Variants in MSR1 observed in about 807,000 individuals in gnomAD.
The protein encoded by MSR1 is macrophage scavenger receptor types I and II.
In MSR1, 53 loss-of-function variants were observed where a neutral mutation model predicts 47.2. The observed-to-expected ratio is 1.12, with a 90% CI of 0.90 to 1.41. The LOEUF is 1.41. MSR1 is among the 40% of genes most tolerant of loss of function. MSR1 has a pLI of 0.00. For missense variants in MSR1, 786 were observed against 546.9 expected, an observed-to-expected ratio of 1.44 and a Z score of -4.36; for synonymous variants, 239 against 185.6, an observed-to-expected ratio of 1.29 and a Z score of -2.34.
In MSR1 at chr8:16,108,752, G is replaced by T. The variant is rs999144443; in HGVS notation, c.*1333C>A. ...ACAGTAATTCCAATTCCAAGGTAAG[G>T]TTTTGCCTTTTTAAGTTGGACGGCT... On this transcript the variant is annotated 3_prime_UTR_variant, in exon 10 of 10. Coordinates refer to ENST00000262101, the MANE Select transcript of MSR1 (RefSeq NM_138715.3). 6.6e-6 allele frequency: 1 copy of T among 152,074 alleles called. No individual in the cohort carries two copies. Among genetic ancestry groups the T allele is most frequent in the Non-Finnish European group, 1.5e-5 (1 of 67,988 alleles). 9.4% of individuals were successfully genotyped at this position (152,074 alleles called of 1,614,324 possible). A position where few individuals can be genotyped will look rare whatever the true frequency, so the allele number is the denominator to read the frequency against.
chr8:16,176,107 TA>T (rs527738436), intron 2 of MSR1, among the ~76,000 whole-genome samples: 4 of 152,298 alleles, frequency 2.6e-5, no homozygotes, highest in East Asian at 3.9e-4. Context: ...ATTGATCAAT[TA>T]AAAAAAGTAA....
intron 4 of MSR1, among the ~76,000 whole-genome samples, chr8:16,167,570 C>G (rs899459472): frequency 2.0e-5 from 3 of 151,162 alleles, no homozygotes; most frequent in African/African-American, 4.8e-5. Flanking sequence ...AACAAACAAA[C>G]AAAAACATTC....
intron 8 of MSR1, among the ~76,000 whole-genome samples, chr8:16,137,509 A>G (rs1800420984): frequency 6.6e-6 from 1 of 152,066 alleles, no homozygotes; most frequent in African/African-American, 2.4e-5. Flanking sequence ...TATCTGTGAT[A>G]TATATAAAAA....
chr8:16,118,640 C>T (rs535315707), intron 9 of MSR1, among the ~76,000 whole-genome samples: 4 of 152,052 alleles, frequency 2.6e-5, no homozygotes, highest in East Asian at 1.9e-4. Flanking sequence ...GATTACACCC[C>T]GCACTCCAGC....
chr8:16,168,968 T>C (rs934229965), intron 3 of MSR1, 98 bp from the exon 4 acceptor site: 19 of 1,255,394 alleles, frequency 1.5e-5, no homozygotes, highest in South Asian at 5.1e-5. Flanking sequence ...TTTATTCCAT[T>C]CCATTCCAAC....
intron 8 of MSR1, among the ~76,000 whole-genome samples, chr8:16,138,008 GA>G (rs778936817): frequency 0.014 from 1,715 of 122,458 alleles, 19 homozygotes; most frequent in Admixed American, 0.018. Flanking sequence ...AAAGATAAAG[GA>G]AAAAAAAAAA....
chr8:16,164,093 C>A lies in MSR1; in HGVS notation c.789G>T (p.Gln263His), dbSNP rs753519339. The change falls in exon 5 of 10, where the codon CAG becomes CAT. Residue 263 changes from glutamine to histidine, a missense_variant. Gln to His is a conservative substitution (Grantham distance 24). Coordinates refer to ENST00000262101, the MANE Select transcript of MSR1 (RefSeq NM_138715.3). Reference protein sequence around the residue: ...DLRLKDWEHSQTLRNITLIQG... With the variant: ...DLRLKDWEHSHTLRNITLIQG... The stretch of plus-strand genomic sequence containing the variant: ...GAATTAAAGTGATATTTCTCAAGGT[C>A]TGAGAATGTTCCCAATCTTTCAGTC... The A allele has an allele frequency of 1.2e-6, 2 of 1,610,282 alleles. No homozygotes were observed. Among genetic ancestry groups the A allele is most frequent in the Admixed American group, 3.3e-5 (2 of 59,874 alleles).
intron 1 of MSR1, among the ~76,000 whole-genome samples, chr8:16,189,238 T>C (rs1024719609): frequency 1.6e-4 from 22 of 139,342 alleles, no homozygotes; most frequent in Admixed American, 4.6e-4. Flanking sequence ...TCTTATTTTA[T>C]ATATATTTAG....
At chr8:16,121,214 GA>G in intron 8 of MSR1, 4 of 400,352 alleles carry the variant, frequency 1.0e-5, no homozygotes, top group Admixed American at 3.1e-5. Context: ...TTCCTCTTTA[GA>G]AAAAAATATT....
intron 3 of MSR1, among the ~76,000 whole-genome samples, chr8:16,172,984 C>T (rs1461477479): frequency 6.6e-6 from 1 of 152,014 alleles, no homozygotes; most frequent in Non-Finnish European, 1.5e-5. Flanking sequence ...GAAAAATATA[C>T]TGATCTACAA....
intron 8 of MSR1, among the ~76,000 whole-genome samples, chr8:16,122,355 T>C (rs964142824): frequency 3.3e-5 from 5 of 152,150 alleles, no homozygotes; most frequent in African/African-American, 1.2e-4. Context: ...TTTTATTAAC[T>C]AGTGTGATAT....
rs1175259845 is a variant in MSR1 at position 16,109,112 on chromosome 8, A to G, written c.*973T>C. ...GGTTGACTACCAACAAAAGGTTGCT[A>G]AACTACTTTTTTGGGGCATGCTCAG... On this transcript the variant is annotated 3_prime_UTR_variant, in exon 10 of 10. Transcript: ENST00000262101. 2.0e-5 allele frequency: 3 copies of G among 151,784 alleles called. No homozygotes were observed. The highest frequency in any genetic ancestry group is 2.9e-5 in the Non-Finnish European group (2 of 67,994). 9.4% of individuals were successfully genotyped at this position (151,784 alleles called of 1,614,324 possible). A position where few individuals can be genotyped will look rare whatever the true frequency, so the allele number is the denominator to read the frequency against.
rs777976709 is a variant in MSR1, at chr8:16,143,617, G to A, written c.980-6C>T. 1 of 1,610,208 alleles carries A rather than the reference G, an allele frequency of 6.2e-7. No homozygotes were observed. Among genetic ancestry groups the A allele is most frequent in the South Asian group, 1.1e-5 (1 of 90,974 alleles). ...GCCTTTTGGTCCAGAATTTCCTTGA[G>A]AAAAGAAGAAAAATATTTGTTTTTA... is the stretch of plus-strand genomic sequence containing the variant. On this transcript the variant is annotated splice_polypyrimidine_tract_variant and splice_region_variant and intron_variant, in intron 7 of 9. Coordinates refer to ENST00000262101, the MANE Select transcript of MSR1 (RefSeq NM_138715.3).
chr8:16,132,831 G>C (rs866134930), intron 8 of MSR1, among the ~76,000 whole-genome samples: 1 of 148,114 alleles, frequency 6.8e-6, no homozygotes, highest in Non-Finnish European at 1.5e-5. Flanking sequence ...AGTGGAGAGG[G>C]CATCATTATC....
rs549665255 is a variant in MSR1 at position 16,192,359 on chromosome 8, G to A, written c.-5+239C>T. Among the ~76,000 whole-genome samples the A allele has an allele frequency of 5.3e-5, 8 of 152,168 alleles. No individual in the cohort carries two copies. The South Asian group carries it at 1.5e-3, about 28-fold the overall frequency. ...CATTTAGTGTATTTCATATGTACTT[G>A]TGAACATATATGTTTTTCACTCATG... On this transcript the variant is annotated intron_variant, in intron 1 of 9. Transcript: ENST00000262101.
intron 8 of MSR1, among the ~76,000 whole-genome samples, chr8:16,143,101 A>T (rs1470714234): frequency 6.6e-6 from 1 of 152,162 alleles, no homozygotes; most frequent in Non-Finnish European, 1.5e-5. Context: ...TAGAACATGG[A>T]ATACCACATT....
At position 16,177,993 on chromosome 8, in the gene MSR1, C is replaced by A; in HGVS notation, c.-4-1G>T. The A allele has an allele frequency of 6.2e-7, 1 of 1,610,618 alleles. No individual in the cohort carries two copies. Among genetic ancestry groups the A allele is most frequent in the Non-Finnish European group, 8.5e-7 (1 of 1,177,270 alleles). Reference sequence around the variant, plus strand: ...AAAGTGATCCCACTGCTCCATACTTCTATGAAACAAAATGGAAAAATATAT... The same window carrying A: ...AAAGTGATCCCACTGCTCCATACTTATATGAAACAAAATGGAAAAATATAT... On this transcript the variant is annotated splice_acceptor_variant, in intron 1 of 9. Transcript: ENST00000262101. LOFTEE classifies it low-confidence loss of function (5UTR_SPLICE).
At chr8:16,139,443 T>C (rs1418492525) in intron 8 of MSR1, 26 of 971,996 alleles carry the variant, frequency 2.7e-5, no homozygotes, top group Non-Finnish European at 3.2e-5. Flanking sequence ...GGAATAAAAA[T>C]GCTGAGATAC....
At position 16,143,626 on chromosome 8, in the gene MSR1, A is replaced by G. The variant is rs1440735702; in HGVS notation, c.980-15T>C. On this transcript the variant is annotated splice_polypyrimidine_tract_variant and intron_variant, in intron 7 of 9. Transcript: ENST00000262101. ...TCCAGAATTTCCTTGAGAAAAGAAG[A>G]AAAATATTTGTTTTTAATCAGGGCA... 1.2e-6 allele frequency: 2 copies of G among 1,609,148 alleles called. No homozygotes were observed. The highest frequency in any genetic ancestry group is 1.7e-6 in the Non-Finnish European group (2 of 1,176,772).
Sources: allele counts gnomAD v4.1 joint callset (sites outside exome capture counted in the v4.1 genomes callset), GRCh38; gene constraint gnomAD v4.1.1; transcripts MANE v1.5; gene names NCBI Gene and HGNC (gene_info 2026-07-23, HGNC 2026-07-21).